Variants in ZNF83 observed in about 807,000 individuals in gnomAD.
ZNF83 encodes zinc finger protein 816B.
For synonymous variants in ZNF83, 209 were observed against 213.0 expected, an observed-to-expected ratio of 0.98 and a Z score of 0.17; for missense variants, 552 against 629.9, an observed-to-expected ratio of 0.88 and a Z score of 1.32.
chr19:52,652,548 A>C lies in ZNF83; in HGVS notation c.-74+3013T>G, dbSNP rs182408545. 3.4e-3 allele frequency: 1,529 copies of C among 443,908 alleles called. 5 individuals carry two copies. The highest frequency in any genetic ancestry group is 5.5e-3 in the Non-Finnish European group (1,202 of 217,804). 27.5% of individuals were successfully genotyped at this position (443,908 alleles called of 1,614,324 possible). ...CTTGACTGAAGACCTTGCTGCAATCATGACATTTGTAACGTTTCTTTCCAG... is the reference window on the plus strand; with the variant it reads ...CTTGACTGAAGACCTTGCTGCAATCCTGACATTTGTAACGTTTCTTTCCAG... On this transcript the variant is annotated intron_variant, in intron 3 of 5. Coordinates refer to the ZNF83 transcript ENST00000594682.
upstream of ZNF83, among the ~76,000 whole-genome samples, chr19:52,640,391 A>G (rs1190136953): frequency 6.6e-6 from 1 of 152,188 alleles, no homozygotes; most frequent in African/African-American, 2.4e-5. Flanking sequence ...AGCCCAGTGC[A>G]TAGGTTGCAG....
chr19:52,612,530 C>T lies in ZNF83; in HGVS notation c.*484G>A, dbSNP rs186042957. On this transcript the variant is annotated 3_prime_UTR_variant, in exon 3 of 3. Transcript: ENST00000301096. Reference sequence around the variant, plus strand: ...GCCTGGGTAAAAGCTTAAGCATGCACGTTACATTTGTATGGTTTCATCAAA... The same window carrying T: ...GCCTGGGTAAAAGCTTAAGCATGCATGTTACATTTGTATGGTTTCATCAAA... 1.1e-4 allele frequency: 18 copies of T among 159,350 alleles called. 1 individual carries two copies. In the East Asian group the frequency reaches 2.8e-3, roughly 25 times the overall value. The allele number at this position is 159,350 out of a possible 1,614,324, so 9.9% of individuals were successfully genotyped here. A position where few individuals can be genotyped will look rare whatever the true frequency, so the allele number is the denominator to read the frequency against.
At chr19:52,642,695 C>T (rs1474921105), upstream of ZNF83, among the ~76,000 whole-genome samples, 1 of 152,094 alleles carries the variant, frequency 6.6e-6, no homozygotes, top group East Asian at 1.9e-4. Context: ...TCTTTATATA[C>T]ATTTTCCATA....
At chr19:52,680,606 ATTTTTTTTT>A (rs556558292) in intron 1 of ZNF83, among the ~76,000 whole-genome samples, 62 of 88,964 alleles carry the variant, frequency 7.0e-4, no homozygotes, top group Non-Finnish European at 1.2e-3. Flanking sequence ...TCCACAAAAT[ATTTTTTTTT>A]TTTTTTTTTT....
intron 1 of ZNF83, among the ~76,000 whole-genome samples, chr19:52,681,485 T>TAGCCAGC (rs761563660): frequency 3.7e-4 from 57 of 152,266 alleles, no homozygotes; most frequent in Non-Finnish European, 7.1e-4. Flanking sequence ...TAGCCATGAA[T>TAGCCAGC]AACATTTTTG....
chr19:52,638,867 T>C (rs2061242752), upstream of ZNF83, among the ~76,000 whole-genome samples: 1 of 152,110 alleles, frequency 6.6e-6, no homozygotes, highest in Admixed American at 6.5e-5. Flanking sequence ...AGTGGGAGCC[T>C]GAGGTCCCAG....
At chr19:52,614,437 A>C in exon 3 of ZNF83, 1 of 1,613,726 alleles carries the variant, frequency 6.2e-7, no homozygotes, top group Non-Finnish European at 8.5e-7. Context: ...AGATTTTTCC[A>C]TGTGATCATA....
At chr19:52,690,311 CA>C (rs1443363473) in intron 1 of ZNF83, 1 of 152,890 alleles carries the variant, frequency 6.5e-6, no homozygotes, top group Non-Finnish European at 1.5e-5. Flanking sequence ...TCCAGACTCT[CA>C]CGGGGATGTC....
At chr19:52,661,699 C>T (rs1489251542) in intron 1 of ZNF83, among the ~76,000 whole-genome samples, 1 of 152,144 alleles carries the variant, frequency 6.6e-6, no homozygotes, top group Non-Finnish European at 1.5e-5. Flanking sequence ...TCTGCTCTCC[C>T]CTTGGGGACT....
chr19:52,627,637 C>CAAAACTCAGTCTCAACTAAATAAATAA, intron 2 of ZNF83, among the ~76,000 whole-genome samples: 1 of 152,072 alleles, frequency 6.6e-6, no homozygotes. Flanking sequence ...AGCAAAAGAG[C>CAAAACTCAGTCTCAACTAAATAAATAA]AAAACTCAGT....
chr19:52,682,538 G>A (rs1462745526), intron 1 of ZNF83, among the ~76,000 whole-genome samples: 1 of 152,054 alleles, frequency 6.6e-6, no homozygotes, highest in Non-Finnish European at 1.5e-5. Flanking sequence ...AGGCATGGCA[G>A]TGCATACCTG....
intron 2 of ZNF83, among the ~76,000 whole-genome samples, chr19:52,630,438 G>A (rs507321): frequency 0.21 from 31,579 of 151,888 alleles, 3,903 homozygotes; most frequent in East Asian, 0.46. Context: ...AGGCTTCTAA[G>A]CCTCTTAAAA....
At position 52,690,182 on chromosome 19, in the gene ZNF83, G is replaced by GA. The variant is rs35717855; in HGVS notation, c.-283+260dup. On this transcript the variant is annotated intron_variant, in intron 1 of 5. Coordinates refer to the ZNF83 transcript ENST00000594682. ...GGGAGGAGTCTGAAAATGATTTTGA[G>GA]AAAAAAAAAAAAAAAACAACAACAA... is the stretch of plus-strand genomic sequence containing the variant. Among the ~76,000 whole-genome samples, 727 of 132,118 alleles carry GA rather than the reference G, an allele frequency of 5.5e-3. 2 individuals carry two copies. The highest frequency in any genetic ancestry group is 0.011 in the African/African-American group (380 of 36,050). 86.7% of individuals were successfully genotyped at this position (132,118 alleles called of 152,430 possible). A position where few individuals can be genotyped will look rare whatever the true frequency, so the allele number is the denominator to read the frequency against.
At chr19:52,674,699 A>G (rs572927648) in intron 1 of ZNF83, among the ~76,000 whole-genome samples, 2 of 152,162 alleles carry the variant, frequency 1.3e-5, no homozygotes, top group African/African-American at 2.4e-5. Context: ...TATACTTAGG[A>G]ATAAACGTAA....
chr19:52,680,798 G>C (rs904038806), intron 1 of ZNF83, among the ~76,000 whole-genome samples: 1 of 148,094 alleles, frequency 6.8e-6, no homozygotes, highest in Admixed American at 6.7e-5. Context: ...ATTTTTAGTA[G>C]AGACGGGGTT....
At chr19:52,680,757 C>A (rs895425201) in intron 1 of ZNF83, among the ~76,000 whole-genome samples, 1 of 143,116 alleles carries the variant, frequency 7.0e-6, no homozygotes, top group African/African-American at 2.8e-5. Flanking sequence ...GGACTACAGG[C>A]GCCCGCCACT....
chr19:52,683,478 C>T (rs1235906711), intron 1 of ZNF83, among the ~76,000 whole-genome samples: 6 of 121,130 alleles, frequency 5.0e-5, no homozygotes, highest in South Asian at 4.9e-4. Flanking sequence ...CCTTCATGCC[C>T]CTCAGGTCCC....
At chr19:52,652,957 T>A in intron 3 of ZNF83, 11 of 1,274,200 alleles carry the variant, frequency 8.6e-6, no homozygotes, top group Middle Eastern at 1.9e-4. Flanking sequence ...ACTGAAGGTC[T>A]TGCCACACTC....
At chr19:52,678,449 CAA>C (rs11387898) in intron 1 of ZNF83, among the ~76,000 whole-genome samples, 5 of 109,690 alleles carry the variant, frequency 4.6e-5, no homozygotes, top group Admixed American at 1.0e-4. Flanking sequence ...GACTTCATCT[CAA>C]AAAAAAAAAA....
Sources: gnomAD v4.1 joint callset for allele counts (sites outside exome capture counted in the v4.1 genomes callset) on GRCh38, gnomAD v4.1.1 for gene constraint, MANE v1.5 for transcripts, NCBI Gene and HGNC (gene_info 2026-07-23, HGNC 2026-07-21) for gene names.